The following SEPTIN9 variants were observed in gnomAD, a reference collection of about 807,000 sequenced individuals.
SEPTIN9 encodes septin 9.
A neutral mutation model predicts 56.6 loss-of-function variants in SEPTIN9; 13 were observed. The observed-to-expected ratio is 0.23, with a 90% CI of 0.15 to 0.37. The LOEUF (loss-of-function observed/expected upper bound fraction) is 0.37, where lower values mean the gene tolerates loss of function less well. Among genes scored for constraint, SEPTIN9 ranks in the 10% least tolerant of loss-of-function variants. SEPTIN9 has a pLI of 1.00. For missense variants in SEPTIN9, 650 were observed against 823.1 expected (o/e 0.79, Z 2.57); for synonymous variants, 332 against 334.1 (o/e 0.99, Z 0.07).
chr17:77,445,737 G>C lies in SEPTIN9; in HGVS notation c.722-36407G>C, dbSNP rs1330742114. ...TCCCAACTGTCCCCTGTGGCTTCCA[G>C]AGTGGGACCTTGCTGTGGGATAGGC... On this transcript the variant is annotated intron_variant, in intron 3 of 11. Coordinates refer to ENST00000427177, the MANE Select transcript of SEPTIN9 (RefSeq NM_001113491.2). The surrounding 1 kb of genome is among the most constrained non-coding windows in gnomAD (Gnocchi z 4.7). The C allele has an allele frequency of 3.4e-6, 1 of 294,846 alleles. No individual in the cohort carries two copies. The highest frequency in any genetic ancestry group is 1.0e-4 in the East Asian group (1 of 9,980). 18.3% of individuals were successfully genotyped at this position (294,846 alleles called of 1,614,324 possible). A position where few individuals can be genotyped will look rare whatever the true frequency, so the allele number is the denominator to read the frequency against.
intron 2 of SEPTIN9, among the ~76,000 whole-genome samples, chr17:77,359,922 T>A (rs912138787): frequency 1.5e-4 from 23 of 152,090 alleles, no homozygotes; most frequent in African/African-American, 5.3e-4. Flanking sequence ...CCTGGCACTT[T>A]GGGAGGCCAA....
chr17:77,482,561 CCT>C, intron 4 of SEPTIN9: 1 of 696,392 alleles, frequency 1.4e-6, no homozygotes, highest in Admixed American at 2.0e-5. Context: ...ATCCAGGGCC[CCT>C]GAGATGACTT....
chr17:77,473,037 A>G (rs2143069559), intron 3 of SEPTIN9, among the ~76,000 whole-genome samples: 1 of 152,296 alleles, frequency 6.6e-6, no homozygotes, highest in Non-Finnish European at 1.5e-5. Context: ...TTGAGATGGG[A>G]AAATATCCTG....
At chr17:77,424,715 T>C (rs2036835908) in intron 3 of SEPTIN9, among the ~76,000 whole-genome samples, 1 of 152,228 alleles carries the variant, frequency 6.6e-6, no homozygotes. Flanking sequence ...TATGACTCAG[T>C]TGCTTTGTCT....
intron 1 of SEPTIN9, among the ~76,000 whole-genome samples, chr17:77,292,525 G>A (rs1330472592): frequency 4.7e-5 from 7 of 149,996 alleles, no homozygotes; most frequent in Admixed American, 2.0e-4. Context: ...ATGGAGTCTC[G>A]CTCTGTCGCC....
rs1305882803 is a variant in SEPTIN9 at position 77,327,175 on chromosome 17, G to A, written c.76+19978G>A. On this transcript the variant is annotated intron_variant, in intron 2 of 11. Coordinates refer to ENST00000427177, the MANE Select transcript of SEPTIN9 (RefSeq NM_001113491.2). This position sits in a 1 kb window ranked among gnomAD's most constrained non-coding sequence, Gnocchi z 5.0. ...ACCTCTGGCAATGCCTCCCTCTCCTGGGCTCCTGGGACCCCTCCGGCCCCA... is the reference window on the plus strand; with the variant it reads ...ACCTCTGGCAATGCCTCCCTCTCCTAGGCTCCTGGGACCCCTCCGGCCCCA... Among the ~76,000 whole-genome samples the A allele has an allele frequency of 6.6e-6, 1 of 151,930 alleles. No individual in the cohort carries two copies. Among genetic ancestry groups the A allele is most frequent in the Non-Finnish European group, 1.5e-5 (1 of 67,960 alleles).
At chr17:77,488,918 T>C in intron 7 of SEPTIN9, 54 bp downstream of exon 7, 1 of 1,604,472 alleles carries the variant, frequency 6.2e-7, no homozygotes. Flanking sequence ...GTTCCCTCTG[T>C]CCCCTGGGAC....
intron 7 of SEPTIN9, among the ~76,000 whole-genome samples, chr17:77,490,422 G>A (rs1321353615): frequency 6.6e-6 from 1 of 152,232 alleles, no homozygotes; most frequent in African/African-American, 2.4e-5. Context: ...CAAGACGGCT[G>A]CTGAGCCAAC....
chr17:77,442,074 G>GT (rs776467234), intron 3 of SEPTIN9: 2 of 152,196 alleles, frequency 1.3e-5, no homozygotes, highest in Non-Finnish European at 2.9e-5. Context: ...ACTGAAAAAC[G>GT]TGACTCAAAA....
At chr17:77,316,533 C>T (rs544890953) in intron 2 of SEPTIN9, among the ~76,000 whole-genome samples, 2 of 152,272 alleles carry the variant, frequency 1.3e-5, no homozygotes, top group Admixed American at 1.3e-4. Context: ...CAGGAGGTGG[C>T]TGGGTGAATG....
At position 77,450,938 on chromosome 17, in the gene SEPTIN9, C is replaced by T. The variant is rs2037940786; in HGVS notation, c.722-31206C>T. ...CTGAATGGCTTTCTGGGGTGGCTGG[C>T]CATGCTCCCTGAGAGCCCAGCTGTG... On this transcript the variant is annotated intron_variant, in intron 3 of 11. Transcript: ENST00000427177. This position sits in a 1 kb window ranked among gnomAD's most constrained non-coding sequence, Gnocchi z 6.0. 2.5e-6 allele frequency: 1 copy of T among 396,348 alleles called. No homozygotes were observed. Among genetic ancestry groups the T allele is most frequent in the Non-Finnish European group, 3.4e-6 (1 of 291,616 alleles). The allele number at this position is 396,348 out of a possible 1,614,324, so 24.6% of individuals were successfully genotyped here. A position where few individuals can be genotyped will look rare whatever the true frequency, so the allele number is the denominator to read the frequency against.
Position 77,402,795 on chromosome 17 carries a change from A to G in SEPTIN9, c.721+92A>G. 7.4e-7 allele frequency: 1 copy of G among 1,351,816 alleles called. No individual in the cohort carries two copies. The highest frequency in any genetic ancestry group is 1.0e-6 in the Non-Finnish European group (1 of 1,001,964). 83.7% of individuals were successfully genotyped at this position (1,351,816 alleles called of 1,614,324 possible). A position where few individuals can be genotyped will look rare whatever the true frequency, so the allele number is the denominator to read the frequency against. On this transcript the variant is annotated intron_variant, in intron 3 of 11. Coordinates refer to ENST00000427177, the MANE Select transcript of SEPTIN9 (RefSeq NM_001113491.2). This position sits in a 1 kb window ranked among gnomAD's most constrained non-coding sequence, Gnocchi z 6.6. The stretch of plus-strand genomic sequence containing the variant: ...AGAATCTTGGAGGAAGAAGCTGGAT[A>G]TGGGGTGGAGGGTGCTACCCTGGAG...
chr17:77,325,861 C>T (rs1015242624), intron 2 of SEPTIN9, among the ~76,000 whole-genome samples: 3 of 152,252 alleles, frequency 2.0e-5, no homozygotes, highest in East Asian at 3.9e-4. Context: ...TGCCTCAAAC[C>T]CCTCCCACCC....
intron 3 of SEPTIN9, among the ~76,000 whole-genome samples, chr17:77,468,370 A>G (rs1273123023): frequency 6.6e-6 from 1 of 152,178 alleles, no homozygotes; most frequent in Non-Finnish European, 1.5e-5. Context: ...TGGGGAAGGG[A>G]TGGTCCCGGC....
intron 3 of SEPTIN9, among the ~76,000 whole-genome samples, chr17:77,458,883 T>C (rs1284383701): frequency 1.3e-5 from 2 of 152,140 alleles, no homozygotes; most frequent in African/African-American, 4.8e-5. Context: ...CTCTCTAGAA[T>C]TTCACCAGAG....
At chr17:77,414,414 C>G (rs1013053556) in intron 3 of SEPTIN9, among the ~76,000 whole-genome samples, 14 of 152,050 alleles carry the variant, frequency 9.2e-5, no homozygotes, top group Admixed American at 7.2e-4. Flanking sequence ...GGTTTTCAGT[C>G]TATTCAGAGA....
chr17:77,363,111 A>G (rs312883), intron 2 of SEPTIN9, among the ~76,000 whole-genome samples: 138,494 of 152,100 alleles, frequency 0.91, 63,329 homozygotes, highest in East Asian at 1. Context: ...ACCAGGTGAC[A>G]GAGGCTGCCC....
At chr17:77,480,312 C>T (rs939731197) in intron 3 of SEPTIN9, among the ~76,000 whole-genome samples, 5 of 152,346 alleles carry the variant, frequency 3.3e-5, no homozygotes, top group Non-Finnish European at 4.4e-5. Context: ...AGAGTCTTTT[C>T]CTCTCTCACC....
At chr17:77,382,872 G>A (rs11655845) in intron 2 of SEPTIN9, among the ~76,000 whole-genome samples, 31,926 of 151,762 alleles carry the variant, frequency 0.21, 3,562 homozygotes, top group East Asian at 0.49. Flanking sequence ...TCCCTCCCTA[G>A]CCCCGCTGCC....
Sources: gnomAD v4.1 joint callset for allele counts (sites outside exome capture counted in the v4.1 genomes callset) on GRCh38, gnomAD v4.1.1 for gene constraint, Gnocchi (gnomAD v3.1) non-coding constraint, MANE v1.5 for transcripts, NCBI Gene and HGNC (gene_info 2026-07-23, HGNC 2026-07-21) for gene names.